The following GPC5 variants were observed in gnomAD, a reference collection of about 807,000 sequenced individuals.
The protein encoded by GPC5 is glypican-5.
Under a neutral mutation model 53.9 loss-of-function variants are expected in GPC5, and 47 were observed. The ratio of observed to expected loss-of-function variants is 0.87; its 90% CI spans 0.69 to 1.11. The LOEUF (loss-of-function observed/expected upper bound fraction) is 1.11. Among genes scored for constraint, GPC5 ranks in the 50% most tolerant of loss-of-function variants. GPC5 has a pLI of 0.00. For synonymous variants in GPC5, 286 were observed against 263.3 expected, an observed-to-expected ratio of 1.09 and a Z score of -0.84; for missense variants, 748 against 713.1, an observed-to-expected ratio of 1.05 and a Z score of -0.56.
intron 2 of GPC5, among the ~76,000 whole-genome samples, chr13:91,592,147 T>A (rs1267988438): frequency 6.6e-6 from 1 of 152,232 alleles, no homozygotes; most frequent in Non-Finnish European, 1.5e-5. Flanking sequence ...AGACTCTGTA[T>A]AGGGTCTTTA....
chr13:91,747,760 A>G (rs1295964126), intron 4 of GPC5, among the ~76,000 whole-genome samples: 3 of 152,100 alleles, frequency 2.0e-5, no homozygotes, highest in Admixed American at 6.6e-5. Flanking sequence ...TTCAACTTTG[A>G]TTAATCAAAT....
chr13:92,539,219 A>G (rs1881844072), intron 7 of GPC5, among the ~76,000 whole-genome samples: 1 of 151,564 alleles, frequency 6.6e-6, no homozygotes, highest in South Asian at 2.1e-4. Flanking sequence ...TGGTATATCT[A>G]GTTCTAGATC....
chr13:92,211,383 A>T (rs1331539378), intron 7 of GPC5, among the ~76,000 whole-genome samples: 1 of 152,220 alleles, frequency 6.6e-6, no homozygotes, highest in African/African-American at 2.4e-5. Flanking sequence ...CACCCTGTCT[A>T]TGTAACCCAT....
chr13:91,824,028 C>G (rs1040802335), intron 5 of GPC5, among the ~76,000 whole-genome samples: 1 of 151,982 alleles, frequency 6.6e-6, no homozygotes, highest in African/African-American at 2.4e-5. Context: ...TGGGCCAGTA[C>G]AGAATGCATT....
chr13:92,436,041 T>A (rs1877292102), intron 7 of GPC5, among the ~76,000 whole-genome samples: 1 of 152,178 alleles, frequency 6.6e-6, no homozygotes, highest in African/African-American at 2.4e-5. Context: ...AATTAACATC[T>A]TACTGACTAT....
At chr13:91,849,146 G>C (rs1180335107) in intron 5 of GPC5, among the ~76,000 whole-genome samples, 2 of 152,084 alleles carry the variant, frequency 1.3e-5, no homozygotes, top group Non-Finnish European at 2.9e-5. Context: ...CTCTTTTTCT[G>C]ATCTAATAAA....
chr13:91,749,138 A>G (rs1424077846), intron 4 of GPC5, among the ~76,000 whole-genome samples: 2 of 152,150 alleles, frequency 1.3e-5, no homozygotes, highest in Non-Finnish European at 2.9e-5. Flanking sequence ...CATCATCCAA[A>G]TAGTGTACAT....
At chr13:92,668,694 G>A (rs996364379) in intron 7 of GPC5, among the ~76,000 whole-genome samples, 13 of 151,936 alleles carry the variant, frequency 8.6e-5, no homozygotes, top group South Asian at 2.1e-4. Flanking sequence ...TTTTGACACA[G>A]CAAAAATATG....
intron 7 of GPC5, among the ~76,000 whole-genome samples, chr13:92,548,133 C>A (rs1882191363): frequency 6.6e-6 from 1 of 151,846 alleles, no homozygotes; most frequent in South Asian, 2.1e-4. Flanking sequence ...GCCACTGCGC[C>A]CGGCCATGGC....
At chr13:92,778,004 C>T (rs4575403) in intron 7 of GPC5, among the ~76,000 whole-genome samples, 10,181 of 152,236 alleles carry the variant, frequency 0.067, 487 homozygotes, top group South Asian at 0.16. Context: ...GTGCTTGAGG[C>T]TCCAGGATGT....
chr13:91,546,456 A>G (rs1359756030), intron 2 of GPC5, among the ~76,000 whole-genome samples: 3 of 152,112 alleles, frequency 2.0e-5, no homozygotes, highest in Admixed American at 2.0e-4. Flanking sequence ...TGCCTTCAGG[A>G]ATTTTGATAA....
intron 7 of GPC5, among the ~76,000 whole-genome samples, chr13:92,320,691 C>T (rs761367824): frequency 3.3e-5 from 5 of 152,104 alleles, no homozygotes; most frequent in Non-Finnish European, 4.4e-5. Flanking sequence ...AAAGCGGCAA[C>T]CTTCTTATCT....
intron 7 of GPC5, among the ~76,000 whole-genome samples, chr13:92,783,056 G>A (rs1004914363): frequency 1.3e-5 from 2 of 152,142 alleles, no homozygotes; most frequent in Admixed American, 1.3e-4. Flanking sequence ...CATATTGCTA[G>A]TTTAAATATT....
At chr13:91,584,957 C>T (rs2032507187) in intron 2 of GPC5, among the ~76,000 whole-genome samples, 1 of 152,128 alleles carries the variant, frequency 6.6e-6, no homozygotes, top group East Asian at 1.9e-4. Flanking sequence ...ATGTTTGCAA[C>T]ATGCATAACC....
rs543633700 is a variant in GPC5, at chr13:91,867,721, G to T, written c.1281-40216G>T. 2.0e-5 allele frequency among the ~76,000 whole-genome samples: 3 copies of T among 152,302 alleles called. No homozygotes were observed. In the South Asian group the frequency reaches 6.2e-4, roughly 32 times the overall value. On this transcript the variant is annotated intron_variant, in intron 5 of 7. Coordinates refer to ENST00000377067, the MANE Select transcript of GPC5 (RefSeq NM_004466.6). ...GATTTAATAATGTAAATTCACGAGG[G>T]ATGGATGGTTTAGAAGTTTAAGTAA...
At chr13:91,692,314 A>G (rs980001254) in intron 2 of GPC5, among the ~76,000 whole-genome samples, 1 of 152,198 alleles carries the variant, frequency 6.6e-6, no homozygotes, top group African/African-American at 2.4e-5. Context: ...TAATTTATGG[A>G]TACTTTGAAA....
intron 2 of GPC5, among the ~76,000 whole-genome samples, chr13:91,676,958 A>G (rs1389061425): frequency 6.6e-6 from 1 of 152,242 alleles, no homozygotes; most frequent in African/African-American, 2.4e-5. Flanking sequence ...AAAACACTTC[A>G]CTATATATGG....
intron 4 of GPC5, among the ~76,000 whole-genome samples, chr13:91,749,225 T>A (rs560637319): frequency 1.3e-5 from 2 of 152,254 alleles, no homozygotes; most frequent in South Asian, 4.1e-4. Flanking sequence ...TTCCACTCTC[T>A]AAGTCCATGA....
intron 7 of GPC5, among the ~76,000 whole-genome samples, chr13:92,357,587 G>A (rs1594129711): frequency 6.6e-6 from 1 of 151,734 alleles, no homozygotes; most frequent in East Asian, 1.9e-4. Context: ...AACTACCAGA[G>A]ACTCGGTAAT....
Sources: gnomAD v4.1 joint callset for allele counts (sites outside exome capture counted in the v4.1 genomes callset) on GRCh38, gnomAD v4.1.1 for gene constraint, MANE v1.5 for transcripts, NCBI Gene and HGNC (gene_info 2026-07-23, HGNC 2026-07-21) for gene names.